The following STC2 variants were observed in gnomAD, a reference collection of about 807,000 sequenced individuals.
STC2 encodes the protein stanniocalcin 2.
Under a neutral mutation model 22.7 loss-of-function variants are expected in STC2, and 7 were observed. The observed-to-expected ratio is 0.31, with a 90% CI of 0.18 to 0.58. The LOEUF is 0.58. Among genes scored for constraint, STC2 ranks in the 20% least tolerant of loss-of-function variants. The probability of loss-of-function intolerance (pLI) is 0.89; values close to 1 mark genes in which losing one functional copy is unlikely to be tolerated. For missense variants in STC2, 336 were observed against 406.2 expected (o/e 0.83, Z 1.48); for synonymous variants, 158 against 163.4 (o/e 0.97, Z 0.25).
Position 173,323,565 on chromosome 5 carries a change from C to T in STC2, c.295-135G>A, listed in dbSNP as rs996698981. The T allele has an allele frequency of 4.5e-5, 38 of 843,252 alleles. No individual in the cohort carries two copies. The highest frequency in any genetic ancestry group is 2.2e-4 in the African/African-American group (13 of 59,296). The allele number at this position is 843,252 out of a possible 1,614,324, so 52.2% of individuals were successfully genotyped here. ...CAGAACCCCAAGGCCCCACCAGAGA[C>T]GGACGTCCTCCCAGGTGACAGGCAA... On this transcript the variant is annotated intron_variant, in intron 2 of 3. Transcript: ENST00000265087. This position sits in a 1 kb window ranked among gnomAD's most constrained non-coding sequence, Gnocchi z 5.4.
rs187894874 is a variant in STC2 at position 173,325,743 on chromosome 5, G to A, written c.294+125C>T. ...CATAATGTTTTATACCTAGACTGTC[G>A]CTTGCAAGCACTAAAACACACCACA... On this transcript the variant is annotated intron_variant, in intron 2 of 3. Transcript: ENST00000265087. This position sits in a 1 kb window ranked among gnomAD's most constrained non-coding sequence, Gnocchi z 4.7. The A allele has an allele frequency of 6.6e-5, 88 of 1,324,228 alleles. No homozygotes were observed. Among genetic ancestry groups the A allele is most frequent in the Non-Finnish European group, 8.6e-5 (81 of 942,598 alleles). The allele number at this position is 1,324,228 out of a possible 1,614,324, so 82.0% of individuals were successfully genotyped here.
chr5:173,322,986 TC>T, intron 3 of STC2: 1 of 572,054 alleles, frequency 1.7e-6, no homozygotes, highest in Non-Finnish European at 3.1e-6. Flanking sequence ...TAAAACGATT[TC>T]CCATTTCTGT....
Position 173,323,156 on chromosome 5 carries a change from A to G in STC2, c.506+63T>C, listed in dbSNP as rs1762505378. On this transcript the variant is annotated intron_variant, in intron 3 of 3. Coordinates refer to ENST00000265087, the MANE Select transcript of STC2 (RefSeq NM_003714.3). This position sits in a 1 kb window ranked among gnomAD's most constrained non-coding sequence, Gnocchi z 5.4. ...CTAGAAGCAACGCGGCTCTCCTCCC[A>G]TACACATTGCCATCCTTGCTGGGTG... 4.5e-6 allele frequency: 7 copies of G among 1,548,770 alleles called. No individual in the cohort carries two copies. The highest frequency in any genetic ancestry group is 6.2e-6 in the Non-Finnish European group (7 of 1,122,748).
At chr5:173,322,298 T>A (rs200786024) in intron 3 of STC2, among the ~76,000 whole-genome samples, 2 of 150,798 alleles carry the variant, frequency 1.3e-5, no homozygotes, top group Admixed American at 6.6e-5. Flanking sequence ...TGTCAATATT[T>A]AAAAAAAAAA....
chr5:173,317,733 C>T lies in STC2; in HGVS notation c.*114G>A. 1 of 1,379,408 alleles carries T rather than the reference C, an allele frequency of 7.2e-7. No homozygotes were observed. The allele number at this position is 1,379,408 out of a possible 1,614,324, so 85.4% of individuals were successfully genotyped here. ...ACACACCTCGATGAAGTCCACAGTC[C>T]CCACAGAATCCTGCGTGTGACATCC... On this transcript the variant is annotated 3_prime_UTR_variant, in exon 4 of 4. Transcript: ENST00000265087.
chr5:173,318,550 C>T (rs961182881), intron 3 of STC2, among the ~76,000 whole-genome samples: 4 of 152,180 alleles, frequency 2.6e-5, no homozygotes, highest in African/African-American at 9.7e-5. Context: ...GGTGAGAAAT[C>T]CAGGTGGCTG....
Position 173,325,719 on chromosome 5 carries a change from A to C in STC2, c.294+149T>G. 1 of 1,074,706 alleles carries C rather than the reference A, an allele frequency of 9.3e-7. No individual in the cohort carries two copies. Among genetic ancestry groups the C allele is most frequent in the Non-Finnish European group, 1.4e-6 (1 of 730,324 alleles). The allele number at this position is 1,074,706 out of a possible 1,614,324, so 66.6% of individuals were successfully genotyped here. A position where few individuals can be genotyped will look rare whatever the true frequency, so the allele number is the denominator to read the frequency against. On this transcript the variant is annotated intron_variant, in intron 2 of 3. Coordinates refer to ENST00000265087, the MANE Select transcript of STC2 (RefSeq NM_003714.3). The surrounding 1 kb of genome is among the most constrained non-coding windows in gnomAD (Gnocchi z 4.7). Reference sequence around the variant, plus strand: ...ATGAGTGCAGAAGGGAGACACTGGCATAATGTTTTATACCTAGACTGTCGC... The same window carrying C: ...ATGAGTGCAGAAGGGAGACACTGGCCTAATGTTTTATACCTAGACTGTCGC...
In STC2 at chr5:173,315,238, T is replaced by G; in HGVS notation, c.*2609A>C. ...GGTGTATTTTTAATGACTACTTTGC[T>G]TACATTTTAGATTGTGCAAATGTCT... On this transcript the variant is annotated 3_prime_UTR_variant, in exon 4 of 4. Transcript: ENST00000265087. 1 of 152,204 alleles carries G rather than the reference T, an allele frequency of 6.6e-6. No individual in the cohort carries two copies. Among genetic ancestry groups the G allele is most frequent in the East Asian group, 1.9e-4 (1 of 5,194 alleles). 9.4% of individuals were successfully genotyped at this position (152,204 alleles called of 1,614,324 possible).
intron 3 of STC2, among the ~76,000 whole-genome samples, chr5:173,318,906 G>A (rs1762456482): frequency 1.3e-5 from 2 of 152,252 alleles, no homozygotes; most frequent in South Asian, 4.1e-4. Flanking sequence ...GAGGGAGGAA[G>A]ACCATGTCCC....
rs752342812 is a variant in STC2, at chr5:173,328,131, C to G, written c.63G>C (p.Pro21=). The G allele has an allele frequency of 1.2e-6, 2 of 1,600,452 alleles. No individual in the cohort carries two copies. The highest frequency in any genetic ancestry group is 1.7e-6 in the Non-Finnish European group (2 of 1,173,552). Residue 21 remains proline (P), a synonymous_variant, in exon 1 of 4, where the codon CCG becomes CCC. Coordinates refer to ENST00000265087, the MANE Select transcript of STC2 (RefSeq NM_003714.3). ...TLALVLATFD[P]ARGTDATNPP... The stretch of plus-strand genomic sequence containing the variant: ...GGTTGGTGGCGTCGGTCCCCCGCGC[C>G]GGGTCAAAGGTGGCCAACACCAAAG...
rs888443358 is a variant in STC2, at chr5:173,315,144, G to A, written c.*2703C>T. On this transcript the variant is annotated 3_prime_UTR_variant, in exon 4 of 4. Transcript: ENST00000265087. ...AAAATAAACACTAAATCTTTATTTG[G>A]AGATCCACATCCTTCCTCAAAGGAA... 6.6e-6 allele frequency: 1 copy of A among 152,144 alleles called. No homozygotes were observed. Among genetic ancestry groups the A allele is most frequent in the African/African-American group, 2.4e-5 (1 of 41,418 alleles). 9.4% of individuals were successfully genotyped at this position (152,144 alleles called of 1,614,324 possible). A position where few individuals can be genotyped will look rare whatever the true frequency, so the allele number is the denominator to read the frequency against.
Position 173,318,234 on chromosome 5 carries a change from G to A in STC2, c.522C>T (p.Leu174=), listed in dbSNP as rs372034875. ...DLLLHEPYVD[L]VNLLLTCGEE... The stretch of plus-strand genomic sequence containing the variant: ...CCCCACAGGTCAGCAGCAAGTTCAC[G>A]AGGTCCACGTAGGGTCTAAAGATTG... Residue 174 remains leucine, a synonymous_variant, in exon 4 of 4, where the codon CTC becomes CTT. Transcript: ENST00000265087. The A allele has an allele frequency of 6.0e-6, 9 of 1,495,040 alleles. No individual in the cohort carries two copies. Among genetic ancestry groups the A allele is most frequent in the East Asian group, 2.3e-5 (1 of 43,154 alleles). The allele number at this position is 1,495,040 out of a possible 1,614,324, so 92.6% of individuals were successfully genotyped here.
rs1762575349 is a variant in STC2 at position 173,328,197 on chromosome 5, TCTTGGTA to T, written c.-11_-5del. Reference sequence around the variant, plus strand: ...GGCCCAGCCGCTCGGCACACATGGTTCTTGGTATTAACCTCCCGTCGGGAGACCTGGA... The same window carrying T: ...GGCCCAGCCGCTCGGCACACATGGTTTTAACCTCCCGTCGGGAGACCTGGA... On this transcript the variant is annotated 5_prime_UTR_variant, in exon 1 of 4. Transcript: ENST00000265087. The T allele has an allele frequency of 6.7e-7, 1 of 1,489,722 alleles. No homozygotes were observed. The highest frequency in any genetic ancestry group is 1.4e-5 in the South Asian group (1 of 71,742). The allele number at this position is 1,489,722 out of a possible 1,614,324, so 92.3% of individuals were successfully genotyped here. A position where few individuals can be genotyped will look rare whatever the true frequency, so the allele number is the denominator to read the frequency against.
At chr5:173,324,955 G>A (rs916488057) in intron 2 of STC2, among the ~76,000 whole-genome samples, 7 of 152,240 alleles carry the variant, frequency 4.6e-5, no homozygotes, top group African/African-American at 7.2e-5. Context: ...TGCCAGCCCC[G>A]TCTTCGCCTC....
Position 173,325,968 on chromosome 5 carries a change from C to T in STC2, c.194G>A (p.Cys65Tyr). Residue 65 changes from cysteine (C) to tyrosine (Y), a missense_variant, in exon 2 of 4, where the codon TGT becomes TAT. By Grantham distance (194) the Cys-to-Tyr change is radical. Transcript: ENST00000265087. This position sits in a 1 kb window ranked among gnomAD's most constrained non-coding sequence, Gnocchi z 4.7. ...GTTCTCGAAACATTCAAACACGCCA[C>T]ACCCCACATCGCCAGCGTTGACCAA... ...HCLVNAGDVG[C>Y]GVFECFENNS... The T allele has an allele frequency of 6.2e-7, 1 of 1,614,226 alleles. No individual in the cohort carries two copies.
chr5:173,320,827 A>C (rs1018425139), intron 3 of STC2, among the ~76,000 whole-genome samples: 2 of 148,898 alleles, frequency 1.3e-5, no homozygotes, highest in African/African-American at 5.0e-5. Context: ...TTTTTTGACC[A>C]ATGCCACACA....
rs1762424671 is a variant in STC2 at position 173,316,593 on chromosome 5, C to G, written c.*1254G>C. ...CTGCCTTTATTTGTCCCCTTGGACTCCTCTCCTTATTGCTAAATTTCCAAT... is the reference window on the plus strand; with the variant it reads ...CTGCCTTTATTTGTCCCCTTGGACTGCTCTCCTTATTGCTAAATTTCCAAT... On this transcript the variant is annotated 3_prime_UTR_variant, in exon 4 of 4. Transcript: ENST00000265087. 1 of 152,142 alleles carries G rather than the reference C, an allele frequency of 6.6e-6. No homozygotes were observed. The highest frequency in any genetic ancestry group is 2.4e-5 in the African/African-American group (1 of 41,420). 9.4% of individuals were successfully genotyped at this position (152,142 alleles called of 1,614,324 possible). A position where few individuals can be genotyped will look rare whatever the true frequency, so the allele number is the denominator to read the frequency against.
In STC2 at chr5:173,323,489, A is replaced by G; in HGVS notation, c.295-59T>C. 1.4e-6 allele frequency: 2 copies of G among 1,462,322 alleles called. No homozygotes were observed. The highest frequency in any genetic ancestry group is 1.9e-6 in the Non-Finnish European group (2 of 1,069,122). The allele number at this position is 1,462,322 out of a possible 1,614,324, so 90.6% of individuals were successfully genotyped here. On this transcript the variant is annotated intron_variant, in intron 2 of 3. Transcript: ENST00000265087. The surrounding 1 kb of genome is among the most constrained non-coding windows in gnomAD (Gnocchi z 5.4). ...GGCAGAAAGCAGAAGACCTCGTTAC[A>G]TGCTTGGACATTTCAGCCCTTCTTG...
At position 173,317,551 on chromosome 5, in the gene STC2, C is replaced by A. The variant is rs995417535; in HGVS notation, c.*296G>T. On this transcript the variant is annotated 3_prime_UTR_variant, in exon 4 of 4. Coordinates refer to ENST00000265087, the MANE Select transcript of STC2 (RefSeq NM_003714.3). ...CTGGTTCACCTCCCCCACAACAGAG[C>A]GGCCGACACCCACTGACTCCACAGA... The A allele has an allele frequency of 2.8e-5, 6 of 216,328 alleles. No individual in the cohort carries two copies. The South Asian group carries it at 9.0e-4, about 33-fold the overall frequency. The allele number at this position is 216,328 out of a possible 1,614,324, so 13.4% of individuals were successfully genotyped here. A position where few individuals can be genotyped will look rare whatever the true frequency, so the allele number is the denominator to read the frequency against.
Sources: allele counts gnomAD v4.1 joint callset (sites outside exome capture counted in the v4.1 genomes callset), GRCh38; gene constraint gnomAD v4.1.1; non-coding constraint Gnocchi (gnomAD v3.1); transcripts MANE v1.5; gene names NCBI Gene and HGNC (gene_info 2026-07-23, HGNC 2026-07-21).